ZBTB7C: variants seen among roughly 807,000 people sequenced by gnomAD.
ZBTB7C encodes the protein zinc finger and BTB domain-containing protein 7C.
Under a neutral mutation model 25.7 loss-of-function variants are expected in ZBTB7C, and 8 were observed. That is an observed-to-expected ratio of 0.31 (90% CI 0.18 to 0.56). The LOEUF is 0.56. Ranked by LOEUF, ZBTB7C falls within the 20% of genes least tolerant of loss-of-function variation. The pLI is 0.91. For synonymous variants in ZBTB7C, 394 were observed against 369.0 expected, an observed-to-expected ratio of 1.07 and a Z score of -0.78; for missense variants, 824 against 855.2, an observed-to-expected ratio of 0.96 and a Z score of 0.46.
chr18:48,076,908 A>G, intron 3 of ZBTB7C: 1 of 982,720 alleles, frequency 1.0e-6, no homozygotes, highest in Non-Finnish European at 1.2e-6. Flanking sequence ...GAATTCAATC[A>G]AGGAAGAAGC....
In ZBTB7C at chr18:48,291,787, A is replaced by C. The variant is rs542129593; in HGVS notation, c.-79+46387T>G. On this transcript the variant is annotated intron_variant, in intron 2 of 4. Coordinates refer to ENST00000590800, the MANE Select transcript of ZBTB7C (RefSeq NM_001318841.2). ...CAGGGGTTGGGTGGGAAGTGAACAC[A>C]GCAGTTAGGGGGATTGGCCAAGCTT... 1.8e-3 allele frequency among the ~76,000 whole-genome samples: 280 copies of C among 152,256 alleles called. 2 individuals are homozygous for C. The highest frequency in any genetic ancestry group is 6.5e-3 in the African/African-American group (272 of 41,562).
chr18:48,349,703 G>A lies in ZBTB7C; in HGVS notation c.-303-11305C>T, dbSNP rs141816928. ...ACTCAGACTAGTTGGCCAGCCACAC[G>A]CAGGGGAATGAGCTAAAGTCTGGTC... On this transcript the variant is annotated intron_variant, in intron 1 of 4. Transcript: ENST00000590800. Among the ~76,000 whole-genome samples, 483 of 152,286 alleles carry A rather than the reference G, an allele frequency of 3.2e-3. 3 individuals carry two copies. Among genetic ancestry groups the A allele is most frequent in the African/African-American group, 0.01 (430 of 41,564 alleles).
intron 3 of ZBTB7C, among the ~76,000 whole-genome samples, chr18:48,181,845 T>G (rs541632895): frequency 6.6e-6 from 1 of 152,346 alleles, no homozygotes; most frequent in South Asian, 2.1e-4. Flanking sequence ...ATGTGTCTAC[T>G]AAAAACAACC....
At chr18:48,319,112 C>CTGTGTGTATGTG (rs1555739651) in intron 2 of ZBTB7C, among the ~76,000 whole-genome samples, 1 of 147,366 alleles carries the variant, frequency 6.8e-6, no homozygotes, top group Admixed American at 6.8e-5. Context: ...CAGAATGCCT[C>CTGTGTGTATGTG]TGTGTGTGTG....
chr18:48,110,893 T>C (rs1395670976), intron 3 of ZBTB7C, among the ~76,000 whole-genome samples: 2 of 152,092 alleles, frequency 1.3e-5, no homozygotes, highest in African/African-American at 2.4e-5. Context: ...CTGAAGGGGC[T>C]CTCAGGTGGA....
In ZBTB7C at chr18:48,168,022, C is replaced by T. The variant is rs915193270; in HGVS notation, c.-17+17912G>A. The stretch of plus-strand genomic sequence containing the variant: ...GGACTATCAAAAGGAAAAACAAGTC[C>T]GCATGCTTTGATTTGGCCTTGGTGA... On this transcript the variant is annotated intron_variant, in intron 3 of 4. Coordinates refer to ENST00000590800, the MANE Select transcript of ZBTB7C (RefSeq NM_001318841.2). Among the ~76,000 whole-genome samples the T allele has an allele frequency of 2.6e-5, 4 of 152,108 alleles. No individual in the cohort carries two copies. In the East Asian group the frequency reaches 7.7e-4, roughly 29 times the overall value.
intron 1 of ZBTB7C, among the ~76,000 whole-genome samples, chr18:48,402,518 G>A (rs13381264): frequency 0.072 from 10,944 of 152,208 alleles, 510 homozygotes; most frequent in South Asian, 0.1. Flanking sequence ...AAGGGGGGAA[G>A]GACAACTGTT....
rs1415298015 is a variant in ZBTB7C at position 48,040,516 on chromosome 18, T to C, written c.592A>G (p.Lys198Glu). The change falls in exon 4 of 5, where the codon AAG (lysine) becomes GAG (glutamate). Residue 198 changes from lysine to glutamate, a missense_variant. Lys to Glu is a moderately conservative substitution (Grantham distance 56, BLOSUM62 1). Transcript: ENST00000590800. ...TCCCTGGGGGTGTCTGAATAGGCCTTCTCTGTGAGATGGTCTGTCTTGGAA... is the reference window on the plus strand; with the variant it reads ...TCCCTGGGGGTGTCTGAATAGGCCTCCTCTGTGAGATGGTCTGTCTTGGAA... ...SPSKTDHLTE[K>E]AYSDTPRDFP... 2.5e-6 allele frequency: 4 copies of C among 1,613,692 alleles called. No individual in the cohort carries two copies. The highest frequency in any genetic ancestry group is 3.4e-6 in the Non-Finnish European group (4 of 1,179,876).
chr18:48,390,050 GCTGGATCGGGAGCC>G (rs1484048983), intron 1 of ZBTB7C, among the ~76,000 whole-genome samples: 1 of 152,136 alleles, frequency 6.6e-6, no homozygotes, highest in Non-Finnish European at 1.5e-5. Context: ...AGGGACAAGG[GCTGGATCGGGAGCC>G]CTGAACGAAG....
intron 4 of ZBTB7C, 152 bp downstream of exon 4, chr18:48,039,748 C>T: frequency 1.3e-6 from 1 of 764,602 alleles, no homozygotes; most frequent in Non-Finnish European, 2.2e-6. Context: ...GTCACAGCAC[C>T]AGGTGATGCC....
At chr18:48,251,180 C>CA (rs1417016609) in intron 2 of ZBTB7C, among the ~76,000 whole-genome samples, 5 of 152,112 alleles carry the variant, frequency 3.3e-5, no homozygotes, top group Admixed American at 1.3e-4. Context: ...GCCATGATTA[C>CA]ACCACTGCAT....
intron 3 of ZBTB7C, chr18:48,137,462 A>C: frequency 3.4e-6 from 1 of 297,596 alleles, no homozygotes; most frequent in Non-Finnish European, 5.0e-6. Flanking sequence ...CTTACCACTT[A>C]TCTCAAAGCA....
chr18:48,246,508 G>A (rs2043699748), intron 2 of ZBTB7C, among the ~76,000 whole-genome samples: 1 of 151,522 alleles, frequency 6.6e-6, no homozygotes, highest in Non-Finnish European at 1.5e-5. Context: ...GTATACACCT[G>A]TTACTTAAAG....
At chr18:48,198,205 T>G (rs147156906) in intron 2 of ZBTB7C, among the ~76,000 whole-genome samples, 2 of 152,200 alleles carry the variant, frequency 1.3e-5, no homozygotes, top group Non-Finnish European at 2.9e-5. Flanking sequence ...AAGTTAGAAA[T>G]CTGTCCATTC....
At chr18:48,186,308 C>G (rs1309428907) in intron 2 of ZBTB7C, among the ~76,000 whole-genome samples, 10 of 152,244 alleles carry the variant, frequency 6.6e-5, no homozygotes, top group Admixed American at 6.5e-4. Context: ...GGAGTGAGGC[C>G]TCCACTTCTG....
chr18:48,307,151 A>G (rs554827936), intron 2 of ZBTB7C, among the ~76,000 whole-genome samples: 73 of 152,234 alleles, frequency 4.8e-4, no homozygotes, highest in African/African-American at 1.8e-3. Context: ...CCTTAATACA[A>G]ACTCGACTTG....
rs535213603 is a variant in ZBTB7C, at chr18:48,329,810, T to C, written c.-79+8364A>G. ...GTGCATCTCGCCCCATGTCTTATTA[T>C]TCCTCAGTGGCAGAGTAGGGAGGGA... On this transcript the variant is annotated intron_variant, in intron 2 of 4. Transcript: ENST00000590800. Among the ~76,000 whole-genome samples, 4 of 152,350 alleles carry C rather than the reference T, an allele frequency of 2.6e-5. No individual in the cohort carries two copies. In the East Asian group the frequency reaches 7.7e-4, roughly 29 times the overall value.
chr18:48,242,465 A>T (rs192675971), intron 2 of ZBTB7C, among the ~76,000 whole-genome samples: 1 of 152,342 alleles, frequency 6.6e-6, no homozygotes, highest in East Asian at 1.9e-4. Context: ...GCAGCTAACC[A>T]ATTCCAACAG....
intron 3 of ZBTB7C, among the ~76,000 whole-genome samples, chr18:48,173,762 C>A (rs1411533955): frequency 6.6e-6 from 1 of 152,236 alleles, no homozygotes; most frequent in Admixed American, 6.5e-5. Flanking sequence ...ACTCAATGCC[C>A]AACCCAAAGG....
Sources: gnomAD v4.1 joint callset for allele counts (sites outside exome capture counted in the v4.1 genomes callset) on GRCh38, gnomAD v4.1.1 for gene constraint, MANE v1.5 for transcripts, NCBI Gene and HGNC (gene_info 2026-07-23, HGNC 2026-07-21) for gene names.